The following STT3A variants were observed in gnomAD, a reference collection of about 807,000 sequenced individuals.
The protein encoded by STT3A is STT3 oligosaccharyltransferase complex catalytic subunit A.
STT3A carries 34 observed loss-of-function variants against 89.2 expected under a neutral mutation model. The observed-to-expected ratio is 0.38, with a 90% CI of 0.29 to 0.51. STT3A has a LOEUF of 0.51. Among genes scored for constraint, STT3A ranks in the 20% least tolerant of loss-of-function variants. The pLI is 0.89. For synonymous variants in STT3A, 282 were observed against 310.3 expected, an observed-to-expected ratio of 0.91 and a Z score of 0.96; for missense variants, 555 against 889.5, an observed-to-expected ratio of 0.62 and a Z score of 4.78.
At position 125,620,921 on chromosome 11, in the gene STT3A, T is replaced by A; in HGVS notation, c.*111T>A. 1.1e-6 allele frequency: 1 copy of A among 900,398 alleles called. No homozygotes were observed. Among genetic ancestry groups the A allele is most frequent in the Non-Finnish European group, 1.7e-6 (1 of 603,920 alleles). 55.8% of individuals were successfully genotyped at this position (900,398 alleles called of 1,614,324 possible). Reference sequence around the variant, plus strand: ...TGCAGTTTGTAAGAACAAAACTGGATGGCATCAGAATTGTCTGGAAGTTTT... The same window carrying A: ...TGCAGTTTGTAAGAACAAAACTGGAAGGCATCAGAATTGTCTGGAAGTTTT... On this transcript the variant is annotated 3_prime_UTR_variant, in exon 18 of 18. Coordinates refer to ENST00000392708, the MANE Select transcript of STT3A (RefSeq NM_152713.5).
At chr11:125,615,393 C>T (rs190161153) in intron 15 of STT3A, among the ~76,000 whole-genome samples, 1 of 152,260 alleles carries the variant, frequency 6.6e-6, no homozygotes, top group African/African-American at 2.4e-5. Context: ...CTAGTACTTA[C>T]ATGCATATTT....
chr11:125,603,063 C>G, intron 5 of STT3A, 115 bp downstream of exon 5: 1 of 1,321,200 alleles, frequency 7.6e-7, no homozygotes, highest in Non-Finnish European at 1.0e-6. Context: ...AAGGTGAAGA[C>G]AGCTTTTACT....
intron 5 of STT3A, 149 bp downstream of exon 5, chr11:125,603,097 C>A: frequency 2.3e-6 from 2 of 869,384 alleles, no homozygotes; most frequent in Non-Finnish European, 3.5e-6. Flanking sequence ...TGGCTTCACT[C>A]CAACCCCTTT....
upstream of STT3A, chr11:125,592,336 C>T (rs767348272): frequency 1.2e-4 from 55 of 453,632 alleles, no homozygotes; most frequent in Middle Eastern, 3.3e-4. Flanking sequence ...GACCAGTCCG[C>T]GTTTGAGTTT....
chr11:125,600,023 C>A (rs1008256216), intron 3 of STT3A, among the ~76,000 whole-genome samples: 3 of 151,212 alleles, frequency 2.0e-5, no homozygotes, highest in Non-Finnish European at 4.4e-5. Context: ...ACTACTACGC[C>A]GGCCTCTTAT....
chr11:125,593,790 T>C (rs187407682), intron 1 of STT3A: 40 of 152,340 alleles, frequency 2.6e-4, no homozygotes, highest in African/African-American at 9.1e-4. Flanking sequence ...GACAGTTAAT[T>C]ATGGAGAACA....
At chr11:125,596,730 G>A (rs929702370) in intron 2 of STT3A, among the ~76,000 whole-genome samples, 21 of 122,214 alleles carry the variant, frequency 1.7e-4, no homozygotes, top group Non-Finnish European at 3.2e-4. Context: ...GTTAAGGTTA[G>A]TTATGTGTGT....
rs538232 is a variant in STT3A, at chr11:125,612,450, G to A, written c.1210-142G>A. ...AGAAATACATACTAATACTGCAACT[G>A]TTTCAAGTATTTTCTCTTTCACTTT... is the stretch of plus-strand genomic sequence containing the variant. On this transcript the variant is annotated intron_variant, in intron 11 of 17. Transcript: ENST00000392708. 447,091 of 885,332 alleles carry A rather than the reference G, an allele frequency of 0.5. 115,578 individuals carry two copies. Among genetic ancestry groups the A allele is most frequent in the Admixed American group, 0.59 (18,113 of 30,724 alleles). The allele number at this position is 885,332 out of a possible 1,614,324, so 54.8% of individuals were successfully genotyped here.
At chr11:125,592,196 C>G (rs774671904), upstream of STT3A, among the ~76,000 whole-genome samples, 1 of 152,138 alleles carries the variant, frequency 6.6e-6, no homozygotes, top group East Asian at 1.9e-4. Context: ...CCCTTTAGGC[C>G]TAGGCACGCT....
At position 125,622,037 on chromosome 11, in the gene STT3A, AAAAC is replaced by A. The variant is rs1428484684; in HGVS notation, c.*1230_*1233del. 6.6e-6 allele frequency: 1 copy of A among 152,268 alleles called. No homozygotes were observed. The highest frequency in any genetic ancestry group is 2.4e-5 in the African/African-American group (1 of 41,466). The allele number at this position is 152,268 out of a possible 1,614,324, so 9.4% of individuals were successfully genotyped here. A position where few individuals can be genotyped will look rare whatever the true frequency, so the allele number is the denominator to read the frequency against. ...GCGACAGTGAAATCTTGTCTAAACA[AAAAC>A]AATTTAACTGGGAAGCACAGTGGTC... On this transcript the variant is annotated 3_prime_UTR_variant, in exon 18 of 18. Coordinates refer to ENST00000392708, the MANE Select transcript of STT3A (RefSeq NM_152713.5).
At chr11:125,605,780 C>T (rs1329901751) in intron 7 of STT3A, 45 bp downstream of exon 7, 2 of 1,507,080 alleles carry the variant, frequency 1.3e-6, no homozygotes, top group Non-Finnish European at 1.8e-6. Context: ...TCTCTAAATA[C>T]TGTATTTCCT....
rs1373031142 is a variant in STT3A at position 125,621,226 on chromosome 11, A to T, written c.*416A>T. 6.3e-6 allele frequency: 1 copy of T among 159,486 alleles called. No homozygotes were observed. Among genetic ancestry groups the T allele is most frequent in the Admixed American group, 6.3e-5 (1 of 15,886 alleles). 9.9% of individuals were successfully genotyped at this position (159,486 alleles called of 1,614,324 possible). On this transcript the variant is annotated 3_prime_UTR_variant, in exon 18 of 18. Coordinates refer to ENST00000392708, the MANE Select transcript of STT3A (RefSeq NM_152713.5). ...GGAAAACTATCAAAGACCAATTCAG[A>T]TCCTACATTTACAGACAGTTTTGTC...
At chr11:125,604,042 C>T (rs762604015) in intron 5 of STT3A, 115 bp from the exon 6 acceptor site, 11 of 1,075,052 alleles carry the variant, frequency 1.0e-5, no homozygotes, top group African/African-American at 3.2e-5. Context: ...CATCTACCTT[C>T]GAAATTGTTG....
intron 15 of STT3A, among the ~76,000 whole-genome samples, chr11:125,618,072 T>C: frequency 6.6e-6 from 1 of 152,108 alleles, no homozygotes; most frequent in East Asian, 1.9e-4. Flanking sequence ...CAGCTATATG[T>C]AGCTAATTGC....
chr11:125,605,115 GTTTTTA>G (rs71949973), intron 6 of STT3A, among the ~76,000 whole-genome samples: 42,397 of 149,738 alleles, frequency 0.28, 6,128 homozygotes, highest in East Asian at 0.4. Context: ...TGTTGTTGTT[GTTTTTA>G]TTTTTATTTT....
intron 12 of STT3A, 76 bp downstream of exon 12, chr11:125,612,823 G>A (rs11605688): frequency 2.6e-6 from 4 of 1,562,104 alleles, no homozygotes; most frequent in East Asian, 4.5e-5. Context: ...GCAGCGGGGG[G>A]TGGGAGGAGT....
chr11:125,598,161 A>G (rs1939552788), intron 3 of STT3A, among the ~76,000 whole-genome samples: 1 of 152,130 alleles, frequency 6.6e-6, no homozygotes, highest in Non-Finnish European at 1.5e-5. Context: ...GCAGTGAGCC[A>G]AGATCATGCC....
At chr11:125,592,363 G>A, upstream of STT3A, 3 of 455,874 alleles carry the variant, frequency 6.6e-6, no homozygotes, top group South Asian at 1.5e-5. Context: ...AGAATAAATA[G>A]GTAGAAAATG....
Position 125,602,786 on chromosome 11 carries a change from T to A in STT3A, c.272-17T>A. On this transcript the variant is annotated splice_polypyrimidine_tract_variant and intron_variant, in intron 4 of 17. Transcript: ENST00000392708. ...TCTGGTAAGACAACCTAATGGAGTT[T>A]CTTCTTCCTGTTACAGGTTTAATGA... 6.2e-7 allele frequency: 1 copy of A among 1,614,104 alleles called. No individual in the cohort carries two copies. The highest frequency in any genetic ancestry group is 8.5e-7 in the Non-Finnish European group (1 of 1,179,984).
Sources: gnomAD v4.1 joint callset for allele counts (sites outside exome capture counted in the v4.1 genomes callset) on GRCh38, gnomAD v4.1.1 for gene constraint, MANE v1.5 for transcripts, NCBI Gene and HGNC (gene_info 2026-07-23, HGNC 2026-07-21) for gene names.